Variants in ZNF704 observed in about 807,000 individuals in gnomAD.
ZNF704 encodes zinc finger protein 704, also known as glucocorticoid induced gene 1.
In ZNF704, 10 loss-of-function variants were observed where a neutral mutation model predicts 44.7. The ratio of observed to expected loss-of-function variants is 0.22; its 90% CI spans 0.14 to 0.38. ZNF704 has a LOEUF of 0.38. Among genes scored for constraint, ZNF704 ranks in the 10% least tolerant of loss-of-function variants. ZNF704 has a pLI of 1.00. For synonymous variants in ZNF704, 211 were observed against 207.6 expected (o/e 1.02, Z -0.14); for missense variants, 390 against 545.5 (o/e 0.71, Z 2.84).
At chr8:80,781,789 G>A (rs779634643) in intron 2 of ZNF704, among the ~76,000 whole-genome samples, 6 of 152,164 alleles carry the variant, frequency 3.9e-5, no homozygotes, top group Non-Finnish European at 5.9e-5. Context: ...AATAAACTGA[G>A]GGCCATTGTG....
intron 1 of ZNF704, among the ~76,000 whole-genome samples, chr8:80,844,024 A>C (rs1808726994): frequency 6.6e-6 from 1 of 151,160 alleles, no homozygotes; most frequent in Non-Finnish European, 1.5e-5. Flanking sequence ...TGTGTCACTA[A>C]AAGTCTATGT....
chr8:80,779,576 G>T (rs949733016), intron 2 of ZNF704, among the ~76,000 whole-genome samples: 1 of 151,894 alleles, frequency 6.6e-6, no homozygotes, highest in African/African-American at 2.4e-5. Flanking sequence ...AATGTATAAA[G>T]AATGACATCT....
intron 2 of ZNF704, among the ~76,000 whole-genome samples, chr8:80,789,671 G>A (rs1238180957): frequency 6.6e-6 from 1 of 152,106 alleles, no homozygotes; most frequent in African/African-American, 2.4e-5. Context: ...GAGCACAGGA[G>A]TTTGAGGCTG....
At chr8:80,643,516 CAAAAAAA>C (rs1174433192) in intron 7 of ZNF704, among the ~76,000 whole-genome samples, 9 of 23,382 alleles carry the variant, frequency 3.8e-4, no homozygotes, top group African/African-American at 5.7e-4. Flanking sequence ...GATCCTGTCT[CAAAAAAA>C]AAAAAAAAAA....
intron 1 of ZNF704, among the ~76,000 whole-genome samples, chr8:80,857,079 C>A (rs567370677): frequency 6.6e-6 from 1 of 151,806 alleles, no homozygotes; most frequent in South Asian, 2.1e-4. Context: ...TAATTTTATC[C>A]CTGTTTAGTT....
chr8:80,815,727 T>C (rs1808166786), intron 2 of ZNF704, among the ~76,000 whole-genome samples: 2 of 152,240 alleles, frequency 1.3e-5, no homozygotes, highest in Non-Finnish European at 2.9e-5. Context: ...GTCACTTAAC[T>C]TTCTGAATCT....
intron 2 of ZNF704, among the ~76,000 whole-genome samples, chr8:80,702,928 A>G (rs1431576826): frequency 1.3e-5 from 2 of 152,050 alleles, no homozygotes; most frequent in African/African-American, 4.8e-5. Context: ...AGGGCAAATG[A>G]GCAGGATGTC....
intron 4 of ZNF704, among the ~76,000 whole-genome samples, chr8:80,675,058 G>C (rs769929621): frequency 1.3e-5 from 2 of 152,148 alleles, no homozygotes; most frequent in African/African-American, 4.8e-5. Flanking sequence ...AACAAAAAAA[G>C]AAATGAGGCT....
At position 80,854,881 on chromosome 8, in the gene ZNF704, A is replaced by C. The variant is rs187801013; in HGVS notation, c.-22+19690T>G. 2.6e-4 allele frequency among the ~76,000 whole-genome samples: 40 copies of C among 152,278 alleles called. 1 individual carries two copies. The Middle Eastern group carries it at 0.027, about 104-fold the overall frequency. ...TTTTTAATTTTTTTAAAGTTTTTAAATTTCTGTGGGTACACAGTAGGTGTA... is the reference window on the plus strand; with the variant it reads ...TTTTTAATTTTTTTAAAGTTTTTAACTTTCTGTGGGTACACAGTAGGTGTA... On this transcript the variant is annotated intron_variant, in intron 1 of 8. Coordinates refer to ENST00000327835, the MANE Select transcript of ZNF704 (RefSeq NM_001033723.3).
At chr8:80,746,880 G>A (rs758543647) in intron 2 of ZNF704, among the ~76,000 whole-genome samples, 8 of 152,148 alleles carry the variant, frequency 5.3e-5, no homozygotes, top group Non-Finnish European at 1.0e-4. Context: ...TTAATAAGGT[G>A]AAATGAAAAT....
intron 2 of ZNF704, among the ~76,000 whole-genome samples, chr8:80,757,826 C>T (rs915742169): frequency 6.6e-6 from 1 of 152,202 alleles, no homozygotes; most frequent in Admixed American, 6.5e-5. Flanking sequence ...AAGTTTGTAG[C>T]CTGGGAGCAA....
chr8:80,835,825 A>T (rs1384238247), intron 1 of ZNF704, among the ~76,000 whole-genome samples: 5 of 152,170 alleles, frequency 3.3e-5, no homozygotes, highest in Non-Finnish European at 7.4e-5. Flanking sequence ...TAGATATTTT[A>T]TTTGTTTTAT....
rs1809312543 is a variant in ZNF704 at position 80,874,063 on chromosome 8, G to A, written c.-22+508C>T. On this transcript the variant is annotated intron_variant, in intron 1 of 8. Coordinates refer to ENST00000327835, the MANE Select transcript of ZNF704 (RefSeq NM_001033723.3). The surrounding 1 kb of genome is among the most constrained non-coding windows in gnomAD (Gnocchi z 4.4). ...CCTGCATGCCTGAGCGCGGGGTTGC[G>A]GGCCGCGGCGCGGGGCCGGAGAGTT... 6.8e-6 allele frequency among the ~76,000 whole-genome samples: 1 copy of A among 147,018 alleles called. No homozygotes were observed. Among genetic ancestry groups the A allele is most frequent in the Non-Finnish European group, 1.5e-5 (1 of 65,992 alleles).
At chr8:80,747,288 C>T (rs1169285962) in intron 2 of ZNF704, among the ~76,000 whole-genome samples, 1 of 152,040 alleles carries the variant, frequency 6.6e-6, no homozygotes, top group Non-Finnish European at 1.5e-5. Context: ...TATTCTGGTA[C>T]CCACCAAACA....
intron 7 of ZNF704, among the ~76,000 whole-genome samples, chr8:80,658,421 CT>C (rs1439301109): frequency 1.3e-5 from 2 of 152,146 alleles, no homozygotes; most frequent in East Asian, 3.9e-4. Flanking sequence ...TTGTTAACCC[CT>C]GACACCTACA....
At chr8:80,737,493 G>A (rs965271628) in intron 2 of ZNF704, among the ~76,000 whole-genome samples, 3 of 152,178 alleles carry the variant, frequency 2.0e-5, no homozygotes, top group Non-Finnish European at 4.4e-5. Context: ...GCTTCCTCCA[G>A]AGCAAGTGAT....
chr8:80,631,952 A>G lies in ZNF704; in HGVS notation c.*9414T>C, dbSNP rs1334744451. On this transcript the variant is annotated 3_prime_UTR_variant, in exon 9 of 9. Transcript: ENST00000327835. ...GCTTTGGAACTGAAAAAACATTAACAACAGCCTGGCCTCTAGCTCAGGCAG... is the reference window on the plus strand; with the variant it reads ...GCTTTGGAACTGAAAAAACATTAACGACAGCCTGGCCTCTAGCTCAGGCAG... The G allele has an allele frequency of 1.3e-5, 2 of 152,138 alleles. No homozygotes were observed. Among genetic ancestry groups the G allele is most frequent in the Non-Finnish European group, 2.9e-5 (2 of 68,046 alleles). 9.4% of individuals were successfully genotyped at this position (152,138 alleles called of 1,614,324 possible).
chr8:80,768,766 A>G (rs903181314), intron 2 of ZNF704, among the ~76,000 whole-genome samples: 2 of 152,170 alleles, frequency 1.3e-5, no homozygotes, highest in Non-Finnish European at 2.9e-5. Flanking sequence ...GTGTTTAGAC[A>G]TGTCATTTTA....
chr8:80,655,909 T>C (rs1460408216), intron 7 of ZNF704, among the ~76,000 whole-genome samples: 1 of 152,156 alleles, frequency 6.6e-6, no homozygotes, highest in Non-Finnish European at 1.5e-5. Flanking sequence ...TGAAGCCTCC[T>C]AGAACTTGGA....
Sources: allele counts gnomAD v4.1 joint callset (sites outside exome capture counted in the v4.1 genomes callset), GRCh38; gene constraint gnomAD v4.1.1; non-coding constraint Gnocchi (gnomAD v3.1); transcripts MANE v1.5; gene names NCBI Gene and HGNC (gene_info 2026-07-23, HGNC 2026-07-21).